The following GRK4 variants were observed in gnomAD, a reference collection of about 807,000 sequenced individuals.
GRK4 encodes the protein G protein-coupled receptor kinase 2-like.
Under a neutral mutation model 77.9 loss-of-function variants are expected in GRK4, and 73 were observed. The ratio of observed to expected loss-of-function variants is 0.94; its 90% CI spans 0.78 to 1.14. GRK4 has a LOEUF of 1.14. Ranked by LOEUF, GRK4 falls within the 50% of genes most tolerant of loss-of-function variation. GRK4 has a pLI of 0.00. For missense variants in GRK4, 729 were observed against 700.2 expected (o/e 1.04, Z -0.46); for synonymous variants, 257 against 254.4 (o/e 1.01, Z -0.10).
At position 3,037,298 on chromosome 4, in the gene GRK4, G is replaced by T. The variant is rs1024678707; in HGVS notation, c.1408-76G>T. The T allele has an allele frequency of 4.6e-5, 65 of 1,415,996 alleles. No homozygotes were observed. The Admixed American group carries it at 9.4e-4, about 21-fold the overall frequency. The allele number at this position is 1,415,996 out of a possible 1,614,324, so 87.7% of individuals were successfully genotyped here. On this transcript the variant is annotated intron_variant, in intron 13 of 15. Coordinates refer to ENST00000398052, the MANE Select transcript of GRK4 (RefSeq NM_182982.3). Reference sequence around the variant, plus strand: ...GTGTTTATGCGTCAGTTTGCTGGGCGTTTCATTCTTGGGAACTGAGGGAGC... The same window carrying T: ...GTGTTTATGCGTCAGTTTGCTGGGCTTTTCATTCTTGGGAACTGAGGGAGC...
At chr4:3,035,266 T>C in intron 12 of GRK4, 120 bp from the exon 13 acceptor site, 2 of 1,003,642 alleles carry the variant, frequency 2.0e-6, no homozygotes, top group Non-Finnish European at 1.6e-6. Flanking sequence ...AAAAAAGAAA[T>C]GATTTGTTAG....
intron 13 of GRK4, among the ~76,000 whole-genome samples, chr4:3,036,458 C>T (rs1041965359): frequency 6.6e-6 from 1 of 152,272 alleles, no homozygotes; most frequent in Non-Finnish European, 1.5e-5. Flanking sequence ...TTTGCTGAAA[C>T]ACTCACTGTA....
chr4:3,015,448 G>T (rs969212692), intron 8 of GRK4, among the ~76,000 whole-genome samples: 2 of 152,094 alleles, frequency 1.3e-5, no homozygotes, highest in African/African-American at 4.8e-5. Context: ...CACTTTGGGA[G>T]GCCGAGGCAG....
chr4:2,999,025 T>C (rs1476468112), intron 4 of GRK4, among the ~76,000 whole-genome samples: 1 of 152,176 alleles, frequency 6.6e-6, no homozygotes, highest in African/African-American at 2.4e-5. Flanking sequence ...CATACAGCAG[T>C]CAATGGTATG....
At chr4:3,025,801 C>T (rs562145343) in intron 10 of GRK4, among the ~76,000 whole-genome samples, 7 of 152,328 alleles carry the variant, frequency 4.6e-5, no homozygotes, top group African/African-American at 1.7e-4. Context: ...CCCTGACCAT[C>T]CCCAAGTAAT....
intron 4 of GRK4, among the ~76,000 whole-genome samples, chr4:2,992,612 A>G (rs1726590783): frequency 7.1e-6 from 1 of 141,388 alleles, no homozygotes; most frequent in South Asian, 2.3e-4. Flanking sequence ...AGCCCAGGAG[A>G]TTGAGGTGGC....
At chr4:3,012,037 T>C (rs987518854) in intron 7 of GRK4, among the ~76,000 whole-genome samples, 2 of 152,190 alleles carry the variant, frequency 1.3e-5, no homozygotes, top group African/African-American at 4.8e-5. Context: ...TAATCGGCCC[T>C]GCCCGCCAGG....
intron 4 of GRK4, among the ~76,000 whole-genome samples, chr4:2,994,441 C>T (rs566171750): frequency 6.6e-6 from 1 of 152,172 alleles, no homozygotes; most frequent in Admixed American, 6.5e-5. Flanking sequence ...GAACTCCTGG[C>T]CTCAAGTGAT....
intron 1 of GRK4, among the ~76,000 whole-genome samples, chr4:2,978,792 T>TA (rs1721949268): frequency 1.3e-5 from 2 of 151,810 alleles, no homozygotes; most frequent in Non-Finnish European, 2.9e-5. Flanking sequence ...AAAAGCTTTT[T>TA]AAAAAAATAG....
At chr4:3,031,165 G>A (rs1049078640) in intron 12 of GRK4, among the ~76,000 whole-genome samples, 3 of 152,194 alleles carry the variant, frequency 2.0e-5, no homozygotes, top group Non-Finnish European at 2.9e-5. Context: ...GCCAGCGCAC[G>A]GGGAGTGTGT....
intron 1 of GRK4, among the ~76,000 whole-genome samples, chr4:2,981,508 G>T (rs910165188): frequency 7.9e-5 from 12 of 152,216 alleles, no homozygotes; most frequent in African/African-American, 2.7e-4. Context: ...CTATCTGCAG[G>T]CAGGTTGTCC....
intron 2 of GRK4, among the ~76,000 whole-genome samples, chr4:2,988,440 T>C (rs1399871443): frequency 1.3e-5 from 2 of 152,222 alleles, no homozygotes; most frequent in Admixed American, 6.5e-5. Context: ...TAAGATTTCT[T>C]TCTATGTTCT....
chr4:2,992,419 C>G, intron 4 of GRK4, 127 bp downstream of exon 4: 1 of 588,078 alleles, frequency 1.7e-6, no homozygotes. Context: ...ATGCCTGACG[C>G]CTGTAATCCC....
chr4:3,020,416 G>C (rs1331120916), intron 9 of GRK4, among the ~76,000 whole-genome samples: 1 of 152,106 alleles, frequency 6.6e-6, no homozygotes, highest in Non-Finnish European at 1.5e-5. Flanking sequence ...CCATTTCCAA[G>C]GTTCTTAGGT....
chr4:2,994,847 A>G (rs1269707028), intron 4 of GRK4, among the ~76,000 whole-genome samples: 1 of 152,140 alleles, frequency 6.6e-6, no homozygotes, highest in East Asian at 1.9e-4. Flanking sequence ...AACTTGCATC[A>G]TGGGGTTTGT....
rs746933146 is a variant in GRK4, at chr4:2,984,597, G to A, written c.137G>A (p.Arg46Lys). ...LPPVSQCSEL[R>K]HSIEKDYSSL... ...CCTGTCAGCCAGTGCAGTGAGCTTA[G>A]ACATTCCATTGGTGAGTAAATAGTG... Residue 46 changes from arginine (R) to lysine (K), a missense_variant, in exon 2 of 16, where the codon AGA becomes AAA. Coordinates refer to ENST00000398052, the MANE Select transcript of GRK4 (RefSeq NM_182982.3). The A allele has an allele frequency of 4.4e-6, 7 of 1,604,534 alleles. No homozygotes were observed. The highest frequency in any genetic ancestry group is 1.3e-5 in the African/African-American group (1 of 74,856).
At chr4:2,965,127 A>G (rs1009353168) in intron 1 of GRK4, 4 of 608,478 alleles carry the variant, frequency 6.6e-6, no homozygotes, top group African/African-American at 3.7e-5. Context: ...AAGTTTGCTT[A>G]TAAAAATCCT....
chr4:3,029,473 G>C, intron 12 of GRK4, 64 bp downstream of exon 12: 1 of 1,432,544 alleles, frequency 7.0e-7, no homozygotes, highest in Non-Finnish European at 9.7e-7. Flanking sequence ...GTTTTCACTG[G>C]CAGCTATAAC....
chr4:3,025,160 A>G (rs1312169275), intron 10 of GRK4, among the ~76,000 whole-genome samples: 1 of 151,086 alleles, frequency 6.6e-6, no homozygotes, highest in Non-Finnish European at 1.5e-5. Flanking sequence ...AGTCCCAGCT[A>G]CTTGAGGGGC....
Sources: gnomAD v4.1 joint callset for allele counts (sites outside exome capture counted in the v4.1 genomes callset) on GRCh38, gnomAD v4.1.1 for gene constraint, MANE v1.5 for transcripts, NCBI Gene and HGNC (gene_info 2026-07-23, HGNC 2026-07-21) for gene names.